The following MUC4 variants were observed in gnomAD, a reference collection of about 807,000 sequenced individuals.
The protein encoded by MUC4 is mucin-4.
A neutral mutation model predicts 257.9 loss-of-function variants in MUC4; 202 were observed. The observed-to-expected ratio is 0.78, with a 90% CI of 0.70 to 0.88. The LOEUF is 0.88. MUC4 is among the 40% of genes least tolerant of loss of function. The pLI, the probability that MUC4 is intolerant of heterozygous loss-of-function variation, is 0.00. For synonymous variants in MUC4, 2,351 were observed against 2,757.1 expected (o/e 0.85, Z 4.62); for missense variants, 5,976 against 6,513.7 (o/e 0.92, Z 2.84).
intron 1 of MUC4, among the ~76,000 whole-genome samples, chr3:195,797,093 A>T (rs1332149578): frequency 1.3e-5 from 2 of 151,900 alleles, no homozygotes; most frequent in South Asian, 4.2e-4. Flanking sequence ...AAATACAAAA[A>T]ATTTGTATTT....
At chr3:195,763,060 G>A (rs997619502) in intron 12 of MUC4, 115 bp from the exon 13 acceptor site, 5 of 859,156 alleles carry the variant, frequency 5.8e-6, no homozygotes, top group Non-Finnish European at 9.1e-6. Flanking sequence ...GGAGGAAGGC[G>A]CTGGAGGCCG....
chr3:195,792,240 C>A (rs965852726), intron 1 of MUC4, among the ~76,000 whole-genome samples: 3 of 152,126 alleles, frequency 2.0e-5, no homozygotes, highest in Non-Finnish European at 2.9e-5. Context: ...AACCATCTGA[C>A]AGAGGTCTAA....
rs1727149708 is a variant in MUC4 at position 195,780,567 on chromosome 3, G to A, written c.11013C>T (p.Ser3671=). Residue 3671 remains serine, a synonymous_variant, in exon 2 of 25, where the codon TCC becomes TCT. Transcript: ENST00000463781. ...HATPLPVTDT[S]SASTGDTTRL... is the part of the protein sequence containing the mutation. ...GGGTGGTGTCACCTGTGGATGCTGA[G>A]GAAGTGTCGGTGACAGGAAGAGGGG... The A allele has an allele frequency of 1.1e-6, 1 of 880,690 alleles. No homozygotes were observed. Among genetic ancestry groups the A allele is most frequent in the African/African-American group, 4.6e-5 (1 of 21,816 alleles). The allele number at this position is 880,690 out of a possible 1,614,324, so 54.6% of individuals were successfully genotyped here.
intron 1 of MUC4, among the ~76,000 whole-genome samples, chr3:195,798,577 G>C (rs903373874): frequency 6.6e-6 from 1 of 151,196 alleles, no homozygotes; most frequent in Admixed American, 6.6e-5. Context: ...GGTGGCGGGC[G>C]CCTGTAGTCC....
At chr3:195,774,771 A>G (rs1723952439) in intron 3 of MUC4, among the ~76,000 whole-genome samples, 1 of 151,834 alleles carries the variant, frequency 6.6e-6, no homozygotes. Flanking sequence ...GTGGTGGCGC[A>G]TGCCTGTAAT....
chr3:195,782,088 A>G lies in MUC4; in HGVS notation c.9492T>C (p.Gly3164=), dbSNP rs1282780955. ...TGGTGACAGGAAGAGGGGTGGCCTG[A>G]CCTGTGGATGCTGAGGAAGTGTCGG... ...PVTDTSSAST[G]QATPLPVTSL... Residue 3164 remains glycine, a synonymous_variant, in exon 2 of 25, where the codon GGT becomes GGC. Coordinates refer to ENST00000463781, the MANE Select transcript of MUC4 (RefSeq NM_018406.7). 1.2e-5 allele frequency: 17 copies of G among 1,369,114 alleles called. No homozygotes were observed. Among genetic ancestry groups the G allele is most frequent in the Middle Eastern group, 2.6e-4 (1 of 3,852 alleles). 84.8% of individuals were successfully genotyped at this position (1,369,114 alleles called of 1,614,324 possible). A position where few individuals can be genotyped will look rare whatever the true frequency, so the allele number is the denominator to read the frequency against.
At position 195,780,348 on chromosome 3, in the gene MUC4, A is replaced by G. The variant is rs1201315600; in HGVS notation, c.11232T>C (p.Pro3744=). 7.1e-7 allele frequency: 1 copy of G among 1,413,942 alleles called. No individual in the cohort carries two copies. Among genetic ancestry groups the G allele is most frequent in the African/African-American group, 1.7e-5 (1 of 57,748 alleles). The allele number at this position is 1,413,942 out of a possible 1,614,324, so 87.6% of individuals were successfully genotyped here. A position where few individuals can be genotyped will look rare whatever the true frequency, so the allele number is the denominator to read the frequency against. ...CTGAGGAAGTGCTGGTGACAGGAAG[A>G]GGGGTGACGTGACCTGTGGATGCTG... ...PSSASTGHVT[P]LPVTSTSSAS... Residue 3744 remains proline, a synonymous_variant, in exon 2 of 25, where the codon CCT becomes CCC. Coordinates refer to ENST00000463781, the MANE Select transcript of MUC4 (RefSeq NM_018406.7).
intron 1 of MUC4, among the ~76,000 whole-genome samples, chr3:195,794,063 C>T (rs941624812): frequency 6.6e-6 from 1 of 150,478 alleles, no homozygotes; most frequent in African/African-American, 2.5e-5. Context: ...GGCAAGATAG[C>T]GAGACCCTGT....
In MUC4 at chr3:195,789,216, G is replaced by C. The variant is rs151275652; in HGVS notation, c.2364C>G (p.Ser788Arg). The C allele has an allele frequency of 6.2e-7, 1 of 1,613,814 alleles. No homozygotes were observed. Among genetic ancestry groups the C allele is most frequent in the Non-Finnish European group, 8.5e-7 (1 of 1,179,832 alleles). ...STEASGQTQT[S>R]EPASSGSRTT... ...TTCGTGACCCTGAGGAGGCCGGTTCGCTGGTCTGTGTTTGTCCAGAGGCCT... is the reference window on the plus strand; with the variant it reads ...TTCGTGACCCTGAGGAGGCCGGTTCCCTGGTCTGTGTTTGTCCAGAGGCCT... Residue 788 changes from serine (S) to arginine (R), a missense_variant, in exon 2 of 25, where the codon AGC becomes AGG. Coordinates refer to ENST00000463781, the MANE Select transcript of MUC4 (RefSeq NM_018406.7).
rs769455795 is a variant in MUC4 at position 195,774,183 on chromosome 3, C to A, written c.13066G>T (p.Asp4356Tyr). The A allele has an allele frequency of 2.2e-5, 36 of 1,608,086 alleles. No individual in the cohort carries two copies. Among genetic ancestry groups the A allele is most frequent in the Non-Finnish European group, 3.1e-5 (36 of 1,177,640 alleles). ...CAGCCCGGACTCACGTAGAGGGAAT[C>A]ACGGAGAGAGGAGCCAAGGGGGAAG... ...TGFPLGSSLR[D>Y]SLYFTDNGQI... is the part of the protein sequence containing the mutation. Residue 4356 changes from aspartate to tyrosine, a missense_variant, in exon 4 of 25, where the codon GAT (aspartate) becomes TAT (tyrosine). By Grantham distance (160) the Asp-to-Tyr change is radical. Transcript: ENST00000463781.
chr3:195,797,483 G>A (rs966524859), intron 1 of MUC4, among the ~76,000 whole-genome samples: 38 of 152,070 alleles, frequency 2.5e-4, no homozygotes, highest in African/African-American at 8.2e-4. Context: ...AAAAAGAGAC[G>A]TTAACTCTTT....
intron 1 of MUC4, among the ~76,000 whole-genome samples, chr3:195,793,034 G>A (rs1172018297): frequency 2.6e-5 from 4 of 151,956 alleles, no homozygotes; most frequent in Admixed American, 2.0e-4. Flanking sequence ...ATACATGCAG[G>A]TGATGGGTTG....
chr3:195,759,843 C>T (rs2148791767), intron 16 of MUC4, among the ~76,000 whole-genome samples: 2 of 141,774 alleles, frequency 1.4e-5, no homozygotes, highest in South Asian at 2.3e-4. Flanking sequence ...CGCTTGAACC[C>T]GGGAAGCAGA....
Position 195,780,341 on chromosome 3 carries a change from C to T in MUC4, c.11239G>A (p.Val3747Ile). 1 of 1,529,698 alleles carries T rather than the reference C, an allele frequency of 6.5e-7. No homozygotes were observed. Among genetic ancestry groups the T allele is most frequent in the Non-Finnish European group, 8.8e-7 (1 of 1,134,150 alleles). 94.8% of individuals were successfully genotyped at this position (1,529,698 alleles called of 1,614,324 possible). ...GTGGATGCTGAGGAAGTGCTGGTGA[C>T]AGGAAGAGGGGTGACGTGACCTGTG... The part of the protein sequence containing the change: ...ASTGHVTPLP[V>I]TSTSSASTGH... Residue 3747 changes from valine to isoleucine, a missense_variant, in exon 2 of 25, where the codon GTC becomes ATC. By Grantham distance (29) the Val-to-Ile change is conservative. Coordinates refer to ENST00000463781, the MANE Select transcript of MUC4 (RefSeq NM_018406.7).
chr3:195,775,055 T>A (rs1005693076), intron 3 of MUC4, among the ~76,000 whole-genome samples: 1 of 152,084 alleles, frequency 6.6e-6, no homozygotes, highest in South Asian at 2.1e-4. Context: ...CTAGAGGCCC[T>A]CGGGCTCCAG....
rs1728524270 is a variant in MUC4, at chr3:195,782,265, A to T, written c.9315T>A (p.Leu3105=). 6.5e-7 allele frequency: 1 copy of T among 1,533,638 alleles called. No homozygotes were observed. Among genetic ancestry groups the T allele is most frequent in the Admixed American group, 2.0e-5 (1 of 49,660 alleles). ...SSVSTGDTTP[L]PVTSPSSAST... ...ATGCTGAGGAAGGGCTAGTGACAGGAAGAGGCGTGGTGTCACCTGTGGATA... is the reference window on the plus strand; with the variant it reads ...ATGCTGAGGAAGGGCTAGTGACAGGTAGAGGCGTGGTGTCACCTGTGGATA... Residue 3105 remains leucine, a synonymous_variant, in exon 2 of 25, where the codon CTT becomes CTA. Transcript: ENST00000463781.
In MUC4 at chr3:195,746,954, G is replaced by A. The variant is rs1429742070; in HGVS notation, c.*222C>T. On this transcript the variant is annotated 3_prime_UTR_variant, in exon 25 of 25. Coordinates refer to ENST00000463781, the MANE Select transcript of MUC4 (RefSeq NM_018406.7). ...TGTCCTTCTGTGGGTGTGTCTGCGT[G>A]AGGACCCATCCATGCATGTTTGATC... 1 of 659,028 alleles carries A rather than the reference G, an allele frequency of 1.5e-6. No individual in the cohort carries two copies. Among genetic ancestry groups the A allele is most frequent in the African/African-American group, 1.8e-5 (1 of 55,236 alleles). The allele number at this position is 659,028 out of a possible 1,614,324, so 40.8% of individuals were successfully genotyped here. A position where few individuals can be genotyped will look rare whatever the true frequency, so the allele number is the denominator to read the frequency against.
At chr3:195,800,890 G>GA (rs59625247) in intron 1 of MUC4, among the ~76,000 whole-genome samples, 16,599 of 91,168 alleles carry the variant, frequency 0.18, 1,381 homozygotes, top group Non-Finnish European at 0.21. Context: ...CCCCTTCTCT[G>GA]AAAAAAAAAA....
chr3:195,772,553 C>A (rs1723192578), intron 4 of MUC4, among the ~76,000 whole-genome samples: 1 of 134,676 alleles, frequency 7.4e-6, no homozygotes, highest in South Asian at 2.2e-4. Context: ...GTGTAGACAC[C>A]CTCTCTCCAC....
Sources: allele counts gnomAD v4.1 joint callset (sites outside exome capture counted in the v4.1 genomes callset), GRCh38; gene constraint gnomAD v4.1.1; transcripts MANE v1.5; gene names NCBI Gene and HGNC (gene_info 2026-07-23, HGNC 2026-07-21).